WDR90: variants seen among roughly 807,000 people sequenced by gnomAD.
WDR90 encodes the protein WD repeat domain 90.
A neutral mutation model predicts 195.2 loss-of-function variants in WDR90; 238 were observed. The observed-to-expected ratio is 1.22, with a 90% confidence interval of 1.10 to 1.36. The LOEUF (loss-of-function observed/expected upper bound fraction) is 1.36, where lower values mean the gene tolerates loss of function less well. Ranked by LOEUF, WDR90 falls within the 40% of genes most tolerant of loss-of-function variation. The probability of loss-of-function intolerance (pLI) is 0.00; values close to 1 mark genes in which losing one functional copy is unlikely to be tolerated. For missense variants in WDR90, 2,734 were observed against 2,439.5 expected, an observed-to-expected ratio of 1.12 and a Z score of -2.54; for synonymous variants, 1,265 against 1,052.4, an observed-to-expected ratio of 1.20 and a Z score of -3.91.
chr16:653,342 C>T lies in WDR90; in HGVS notation c.1124C>T (p.Ala375Val), dbSNP rs762412266. 3.2e-6 allele frequency: 5 copies of T among 1,547,942 alleles called. No homozygotes were observed. Among genetic ancestry groups the T allele is most frequent in the Non-Finnish European group, 4.4e-6 (5 of 1,148,722 alleles). Residue 375 changes from alanine to valine, a missense_variant and splice_region_variant, in exon 11 of 41, where the codon GCC (alanine) becomes GTC (valine). Coordinates refer to ENST00000293879, the MANE Select transcript of WDR90 (RefSeq NM_145294.5). The stretch of plus-strand genomic sequence containing the variant: ...CAGCCCCCCGCCCCCTTGTGCCAGG[C>T]CCTGTGGACCCCAGACGGGGCGGCT... ...IGFGGHGTRQ[A>V]LWTPDGAAVV...
rs367766831 is a variant in WDR90, at chr16:661,318, C to T, written c.3514-24C>T. On this transcript the variant is annotated intron_variant, in intron 29 of 40. Coordinates refer to ENST00000293879, the MANE Select transcript of WDR90 (RefSeq NM_145294.5). Reference sequence around the variant, plus strand: ...TCCAGCCAGCCACGGCCTCCCCACTCACGCCTGGCCTCTTGCCTGCCAGGT... The same window carrying T: ...TCCAGCCAGCCACGGCCTCCCCACTTACGCCTGGCCTCTTGCCTGCCAGGT... The T allele has an allele frequency of 5.3e-5, 83 of 1,571,012 alleles. No individual in the cohort carries two copies. In the Middle Eastern group the frequency reaches 8.8e-4, roughly 17 times the overall value.
Position 667,549 on chromosome 16 carries a change from C to G in WDR90, c.5207C>G (p.Ala1736Gly). The change falls in exon 41 of 41, where the codon GCC becomes GGC. Residue 1736 changes from alanine (A) to glycine (G), a missense_variant. By Grantham distance (60) the Ala-to-Gly change is moderately conservative. Transcript: ENST00000293879. ...TCCGCCAGGCTGCTCTTCACGGCCG[C>G]CCGCAACGAGATCCTTGTGTGGGAG... ...TPSARLLFTA[A>G]RNEILVWEVP... 6.2e-7 allele frequency: 1 copy of G among 1,611,336 alleles called. No homozygotes were observed.
At chr16:658,437 G>A (rs1364076335) in intron 22 of WDR90, 88 bp from the exon 23 acceptor site, 4 of 1,575,798 alleles carry the variant, frequency 2.5e-6, no homozygotes, top group Non-Finnish European at 2.6e-6. Flanking sequence ...TGGGTGGGGG[G>A]CCGTCGCCAC....
At chr16:663,283 C>T (rs1038696771) in intron 34 of WDR90, 1 of 339,656 alleles carries the variant, frequency 2.9e-6, no homozygotes, top group Non-Finnish European at 5.8e-6. Flanking sequence ...ACTGAAAATA[C>T]AAAAATTAGC....
rs752429112 is a variant in WDR90 at position 653,802 on chromosome 16, C to T, written c.1436C>T (p.Thr479Met). 40 of 1,613,030 alleles carry T rather than the reference C, an allele frequency of 2.5e-5. No individual in the cohort carries two copies. The East Asian group carries it at 5.8e-4, about 23-fold the overall frequency. The change falls in exon 13 of 41, where the codon ACG becomes ATG. Residue 479 changes from threonine to methionine, a missense_variant and splice_region_variant. Coordinates refer to ENST00000293879, the MANE Select transcript of WDR90 (RefSeq NM_145294.5). ...CGVGKDHHGR[T>M]MVVAWGTGQV... ...GTTGGCAAGGACCACCACGGGAGGA[C>T]GGTAACAGGGCCCTGGCTGCGGGTT...
Position 661,370 on chromosome 16 carries a change from G to A in WDR90, c.3542G>A (p.Ser1181Asn). 6.2e-7 allele frequency: 1 copy of A among 1,609,256 alleles called. No homozygotes were observed. Among genetic ancestry groups the A allele is most frequent in the Non-Finnish European group, 8.5e-7 (1 of 1,179,246 alleles). Reference sequence around the variant, plus strand: ...CTGGCCTCTGCCTCGGGCCGAAGCAGCACGACCGCCCATTGTCAGATCCGC... The same window carrying A: ...CTGGCCTCTGCCTCGGGCCGAAGCAACACGACCGCCCATTGTCAGATCCGC... ...QVLASASGRSSTTAHCQIRVW... is the reference protein window; with the variant it reads ...QVLASASGRSNTTAHCQIRVW... Residue 1181 changes from serine to asparagine, a missense_variant, in exon 30 of 41, where the codon AGC (serine) becomes AAC (asparagine). Ser to Asn is a conservative substitution (Grantham distance 46). Coordinates refer to ENST00000293879, the MANE Select transcript of WDR90 (RefSeq NM_145294.5).
chr16:665,586 C>T lies in WDR90; in HGVS notation c.4312-93C>T, dbSNP rs372018963. 1.6e-3 allele frequency: 2,565 copies of T among 1,597,770 alleles called. 4 individuals are homozygous for T. Among genetic ancestry groups the T allele is most frequent in the Non-Finnish European group, 2.1e-3 (2,434 of 1,174,262 alleles). On this transcript the variant is annotated intron_variant, in intron 34 of 40. Transcript: ENST00000293879. The stretch of plus-strand genomic sequence containing the variant: ...CCAGAGGCACATGCTCTGGTTTGGA[C>T]AGCCCGGCCCTGGGGGCTGGAATAG...
intron 34 of WDR90, among the ~76,000 whole-genome samples, chr16:663,781 C>T (rs1448686241): frequency 6.6e-6 from 1 of 152,246 alleles, no homozygotes; most frequent in African/African-American, 2.4e-5. Flanking sequence ...CCGCCAGCTG[C>T]AGCCTTAGGA....
At position 667,554 on chromosome 16, in the gene WDR90, A is replaced by G; in HGVS notation, c.5212A>G (p.Asn1738Asp). 3 of 1,611,014 alleles carry G rather than the reference A, an allele frequency of 1.9e-6. No individual in the cohort carries two copies. The highest frequency in any genetic ancestry group is 2.5e-6 in the Non-Finnish European group (3 of 1,179,968). ...CAGGCTGCTCTTCACGGCCGCCCGC[A>G]ACGAGATCCTTGTGTGGGAGGTCCC... is the stretch of plus-strand genomic sequence containing the variant. ...SARLLFTAAR[N>D]EILVWEVPGL Residue 1738 changes from asparagine to aspartate, a missense_variant, in exon 41 of 41, where the codon AAC (asparagine) becomes GAC (aspartate). Coordinates refer to ENST00000293879, the MANE Select transcript of WDR90 (RefSeq NM_145294.5).
At chr16:657,711 G>T in intron 20 of WDR90, 51 bp from the exon 21 acceptor site, 7 of 1,484,820 alleles carry the variant, frequency 4.7e-6, no homozygotes, top group Non-Finnish European at 6.3e-6. Context: ...CCCTGGCCAC[G>T]CGCACCCCGG....
At chr16:652,885 T>C (rs558777770) in intron 10 of WDR90, among the ~76,000 whole-genome samples, 1 of 152,256 alleles carries the variant, frequency 6.6e-6, no homozygotes, top group East Asian at 1.9e-4. Context: ...GGGCACAACC[T>C]GTAGGTCCCT....
In WDR90 at chr16:666,543, G is replaced by A. The variant is rs200445238; in HGVS notation, c.4829G>A (p.Arg1610Gln). The A allele has an allele frequency of 3.6e-3, 5,812 of 1,612,754 alleles. 17 individuals carry two copies. The highest frequency in any genetic ancestry group is 3.8e-3 in the Non-Finnish European group (4,446 of 1,179,964). Residue 1610 changes from arginine (R) to glutamine (Q), a missense_variant, in exon 38 of 41, where the codon CGG becomes CAG. Coordinates refer to ENST00000293879, the MANE Select transcript of WDR90 (RefSeq NM_145294.5). ...RVSVWASDWL[R>Q]NHCELVDWLS... ...AGCGTCTGGGCCTCCGACTGGCTGC[G>A]GAACCACTGTGAGCTTGTGGACTGG...
chr16:663,911 T>C (rs1450054783), intron 34 of WDR90, among the ~76,000 whole-genome samples: 1 of 152,098 alleles, frequency 6.6e-6, no homozygotes, highest in African/African-American at 2.4e-5. Context: ...CTCCTGTGGG[T>C]GTAAGAGCTC....
At position 650,548 on chromosome 16, in the gene WDR90, G is replaced by C. The variant is rs995332845; in HGVS notation, c.398G>C (p.Gly133Ala). ...AGTGCCCATCCTGCAGATCTGGTGG[G>C]TTTGGCCCCCTCCGGAGCCCGCTGG... Reference protein sequence around the residue: ...EARTPQRDLVGLAPSGARWTC... With the variant: ...EARTPQRDLVALAPSGARWTC... Residue 133 changes from glycine to alanine, a missense_variant, in exon 5 of 41, where the codon GGT becomes GCT. Gly to Ala is a moderately conservative substitution (Grantham distance 60, BLOSUM62 0). Coordinates refer to ENST00000293879, the MANE Select transcript of WDR90 (RefSeq NM_145294.5). 3 of 1,608,500 alleles carry C rather than the reference G, an allele frequency of 1.9e-6. No homozygotes were observed. In the African/African-American group the frequency reaches 4.0e-5, roughly 21 times the overall value.
chr16:666,930 T>C lies in WDR90; in HGVS notation c.5030T>C (p.Phe1677Ser), dbSNP rs772802094. Residue 1677 changes from phenylalanine to serine, a missense_variant, in exon 40 of 41, where the codon TTT (phenylalanine) becomes TCT (serine). Coordinates refer to ENST00000293879, the MANE Select transcript of WDR90 (RefSeq NM_145294.5). ...GTGGTGGAGAAGATACCACTGCCCTTTTTTGCCATGTCCCTGAGCCTGTCC... is the reference window on the plus strand; with the variant it reads ...GTGGTGGAGAAGATACCACTGCCCTCTTTTGCCATGTCCCTGAGCCTGTCC... ...KQVVEKIPLP[F>S]FAMSLSLSPG... is the part of the protein sequence containing the mutation. 3 of 1,612,942 alleles carry C rather than the reference T, an allele frequency of 1.9e-6. No homozygotes were observed. The highest frequency in any genetic ancestry group is 3.3e-5 in the Admixed American group (2 of 59,966).
In WDR90 at chr16:658,120, A is replaced by G. The variant is rs183207609; in HGVS notation, c.2605-63A>G. ...CCCCGGGACCTCCCTCCCGAGCCTG[A>G]CCCTGGGTGGCACCGGCTCTGCCCA... On this transcript the variant is annotated intron_variant, in intron 21 of 40. Transcript: ENST00000293879. The G allele has an allele frequency of 8.2e-4, 1,286 of 1,560,532 alleles. 24 individuals carry two copies. The South Asian group carries it at 0.012, about 15-fold the overall frequency.
At chr16:649,740 C>A (rs772379995) in intron 1 of WDR90, 23 bp from the exon 2 acceptor site, 2 of 1,545,764 alleles carry the variant, frequency 1.3e-6, no homozygotes, top group Admixed American at 2.0e-5. Context: ...AGTCCCCTGA[C>A]GCCCGGCGCC....
At chr16:663,457 A>T in intron 34 of WDR90, 5 of 206,414 alleles carry the variant, frequency 2.4e-5, no homozygotes, top group Non-Finnish European at 3.0e-5. Context: ...AAGATGAAAA[A>T]CCCCACATCG....
At position 657,462 on chromosome 16, in the gene WDR90, C is replaced by T. The variant is rs1442769365; in HGVS notation, c.2473+241C>T. On this transcript the variant is annotated intron_variant, in intron 20 of 40. Transcript: ENST00000293879. ...CCCAGGAGGCGGCAGGCAGCCCAAGCTCCAGGTCAGCAGCTGGAGTCAGAC... is the reference window on the plus strand; with the variant it reads ...CCCAGGAGGCGGCAGGCAGCCCAAGTTCCAGGTCAGCAGCTGGAGTCAGAC... The T allele has an allele frequency of 4.0e-6, 3 of 747,682 alleles. No individual in the cohort carries two copies. In the East Asian group the frequency reaches 8.5e-5, roughly 21 times the overall value. 46.3% of individuals were successfully genotyped at this position (747,682 alleles called of 1,614,324 possible).
Sources: allele counts gnomAD v4.1 joint callset (sites outside exome capture counted in the v4.1 genomes callset), GRCh38; gene constraint gnomAD v4.1.1; transcripts MANE v1.5; gene names NCBI Gene and HGNC (gene_info 2026-07-23, HGNC 2026-07-21).